CDH13: variants seen among roughly 807,000 people sequenced by gnomAD.
CDH13 encodes the protein cadherin 13.
A neutral mutation model predicts 63.8 loss-of-function variants in CDH13; 24 were observed. The observed-to-expected ratio is 0.38, with a 90% CI of 0.27 to 0.53. The LOEUF (loss-of-function observed/expected upper bound fraction) is 0.53. Ranked by LOEUF, CDH13 falls within the 20% of genes least tolerant of loss-of-function variation. The pLI is 0.85. For missense variants in CDH13, 1,049 were observed against 903.1 expected, an observed-to-expected ratio of 1.16 and a Z score of -2.07; for synonymous variants, 503 against 355.3, an observed-to-expected ratio of 1.42 and a Z score of -4.67.
At chr16:83,420,194 A>G (rs936812304) in intron 6 of CDH13, among the ~76,000 whole-genome samples, 3 of 152,212 alleles carry the variant, frequency 2.0e-5, no homozygotes, top group African/African-American at 7.2e-5. Flanking sequence ...CTCTCAAGGA[A>G]CTAAATCGAG....
At chr16:83,508,153 A>T (rs1054571314) in intron 7 of CDH13, among the ~76,000 whole-genome samples, 1 of 32,072 alleles carries the variant, frequency 3.1e-5, no homozygotes, top group Non-Finnish European at 5.9e-5. Context: ...AGGGGAGGGG[A>T]GGCGAGGGGA....
chr16:82,738,515 A>G (rs1354957912), intron 1 of CDH13, among the ~76,000 whole-genome samples: 3 of 152,172 alleles, frequency 2.0e-5, no homozygotes, highest in African/African-American at 7.2e-5. Flanking sequence ...CTCACAAGCT[A>G]GTTTCCAAAT....
At chr16:83,136,231 C>T (rs2036277963) in intron 4 of CDH13, among the ~76,000 whole-genome samples, 1 of 151,322 alleles carries the variant, frequency 6.6e-6, no homozygotes, top group Non-Finnish European at 1.5e-5. Flanking sequence ...TGCCTGTAAT[C>T]CCAGCACTTT....
chr16:83,523,612 C>G (rs567896129), intron 7 of CDH13, among the ~76,000 whole-genome samples: 3 of 152,322 alleles, frequency 2.0e-5, no homozygotes, highest in Admixed American at 1.3e-4. Flanking sequence ...TGGATCTACT[C>G]CAGGGTCACT....
chr16:82,836,584 A>G (rs1204729951), intron 1 of CDH13, among the ~76,000 whole-genome samples: 3 of 152,178 alleles, frequency 2.0e-5, no homozygotes, highest in East Asian at 3.9e-4. Flanking sequence ...AGAGATCTTC[A>G]TCTTCAGAAG....
intron 7 of CDH13, among the ~76,000 whole-genome samples, chr16:83,589,467 T>C (rs1442209080): frequency 6.6e-6 from 1 of 151,264 alleles, no homozygotes; most frequent in South Asian, 2.1e-4. Flanking sequence ...CGTGATCACA[T>C]TGGGCCCATT....
intron 11 of CDH13, among the ~76,000 whole-genome samples, chr16:83,752,112 T>C (rs1913137170): frequency 6.6e-6 from 1 of 152,242 alleles, no homozygotes; most frequent in Admixed American, 6.5e-5. Context: ...TCAGCTAAAG[T>C]AACAATGGCA....
chr16:82,686,769 A>G (rs1238961337), intron 1 of CDH13, among the ~76,000 whole-genome samples: 2 of 152,200 alleles, frequency 1.3e-5, no homozygotes, highest in South Asian at 2.1e-4. Context: ...AAGAGCCTTT[A>G]TAAATGAGAG....
At chr16:82,858,272 G>T in intron 1 of CDH13, 90 bp from the exon 2 acceptor site, 1 of 752,808 alleles carries the variant, frequency 1.3e-6, no homozygotes, top group Non-Finnish European at 2.3e-6. Context: ...CAAAACCTCA[G>T]CTTGTTTCTA....
At chr16:83,082,220 C>T (rs546753692) in intron 3 of CDH13, among the ~76,000 whole-genome samples, 1 of 152,206 alleles carries the variant, frequency 6.6e-6, no homozygotes, top group African/African-American at 2.4e-5. Flanking sequence ...TCTGCCCTCT[C>T]CCCACACATT....
intron 3 of CDH13, among the ~76,000 whole-genome samples, chr16:83,057,270 G>A (rs565614710): frequency 6.6e-5 from 10 of 152,130 alleles, no homozygotes; most frequent in Non-Finnish European, 1.3e-4. Context: ...CCAGTCTCAG[G>A]TATGTCTTTA....
chr16:83,351,536 T>C (rs1230508312), intron 6 of CDH13, among the ~76,000 whole-genome samples: 2 of 152,198 alleles, frequency 1.3e-5, no homozygotes, highest in African/African-American at 2.4e-5. Context: ...CTCAGGGTCC[T>C]ATGGACATTT....
At chr16:83,731,807 C>G (rs1220694632) in intron 10 of CDH13, among the ~76,000 whole-genome samples, 2 of 152,118 alleles carry the variant, frequency 1.3e-5, no homozygotes, top group African/African-American at 2.4e-5. Flanking sequence ...TATCCATTTT[C>G]TTTTTCTAGA....
chr16:83,179,408 C>A (rs2038254980), intron 4 of CDH13, among the ~76,000 whole-genome samples: 1 of 147,940 alleles, frequency 6.8e-6, no homozygotes, highest in Non-Finnish European at 1.5e-5. Context: ...CTTTGGGAGG[C>A]CGAGGTGGGT....
intron 5 of CDH13, among the ~76,000 whole-genome samples, chr16:83,305,919 G>T (rs2089864228): frequency 6.6e-6 from 1 of 152,208 alleles, no homozygotes; most frequent in African/African-American, 2.4e-5. Flanking sequence ...TGCCTAACTT[G>T]CAGGTTTGGT....
intron 2 of CDH13, among the ~76,000 whole-genome samples, chr16:82,913,309 C>T (rs1291345652): frequency 3.3e-5 from 5 of 152,100 alleles, no homozygotes; most frequent in Admixed American, 6.6e-5. Context: ...TGTGAGCCGC[C>T]GGCTCATTCA....
At chr16:82,937,417 A>G (rs1452317543) in intron 2 of CDH13, among the ~76,000 whole-genome samples, 3 of 151,636 alleles carry the variant, frequency 2.0e-5, no homozygotes, top group South Asian at 4.2e-4. Flanking sequence ...ACACATACAC[A>G]TGCACACACA....
Position 82,957,944 on chromosome 16 carries a change from A to C in CDH13, c.158-74066A>C, listed in dbSNP as rs143330248. Reference sequence around the variant, plus strand: ...TGTTTATTTCTTCATAAGGCAAGACAAAAGGAGTCCTGTGGAAGACGCCTC... The same window carrying C: ...TGTTTATTTCTTCATAAGGCAAGACCAAAGGAGTCCTGTGGAAGACGCCTC... On this transcript the variant is annotated intron_variant, in intron 2 of 13. Coordinates refer to ENST00000567109, the MANE Select transcript of CDH13 (RefSeq NM_001257.5). 5.1e-3 allele frequency among the ~76,000 whole-genome samples: 773 copies of C among 152,344 alleles called. 8 individuals are homozygous for C. Among genetic ancestry groups the C allele is most frequent in the African/African-American group, 0.018 (747 of 41,580 alleles).
intron 5 of CDH13, among the ~76,000 whole-genome samples, chr16:83,330,273 T>A (rs950605779): frequency 5.3e-5 from 8 of 152,200 alleles, no homozygotes; most frequent in Non-Finnish European, 1.0e-4. Flanking sequence ...CAGAATTGTA[T>A]AAATGCCAAT....
Sources: gnomAD v4.1 joint callset for allele counts (sites outside exome capture counted in the v4.1 genomes callset) on GRCh38, gnomAD v4.1.1 for gene constraint, MANE v1.5 for transcripts, NCBI Gene and HGNC (gene_info 2026-07-23, HGNC 2026-07-21) for gene names.